Variants in MAP2K5 observed in about 807,000 individuals in gnomAD.
MAP2K5 encodes the protein dual specificity mitogen-activated protein kinase kinase 5.
Under a neutral mutation model 83.1 loss-of-function variants are expected in MAP2K5, and 49 were observed. That is an observed-to-expected ratio of 0.59 (90% CI 0.47 to 0.75). The LOEUF is 0.75. MAP2K5 is among the 30% of genes least tolerant of loss of function. The pLI is 0.00. For missense variants in MAP2K5, 457 were observed against 557.5 expected (o/e 0.82, Z 1.82); for synonymous variants, 202 against 191.8 (o/e 1.05, Z -0.44).
At position 67,782,747 on chromosome 15, in the gene MAP2K5, T is replaced by G. The variant is rs2090349275; in HGVS notation, c.1242+9995T>G. On this transcript the variant is annotated intron_variant, in intron 21 of 21. Coordinates refer to ENST00000178640, the MANE Select transcript of MAP2K5 (RefSeq NM_145160.3). The surrounding 1 kb of genome is among the most constrained non-coding windows in gnomAD (Gnocchi z 4.9). ...GCCTCTGGAATACTCTCGCTCTAAC[T>G]CTGGGGAAGGCAGATCGGCAACCCT... Among the ~76,000 whole-genome samples, 1 of 152,190 alleles carries G rather than the reference T, an allele frequency of 6.6e-6. No individual in the cohort carries two copies.
rs376464843 is a variant in MAP2K5, at chr15:67,550,071, C to T, written c.173C>T (p.Thr58Ile). 1.2e-6 allele frequency: 2 copies of T among 1,613,434 alleles called. No individual in the cohort carries two copies. Among genetic ancestry groups the T allele is most frequent in the Non-Finnish European group, 1.7e-6 (2 of 1,179,566 alleles). Residue 58 changes from threonine (T) to isoleucine (I), a missense_variant, in exon 2 of 22, where the codon ACA (threonine) becomes ATA (isoleucine). This residue lies in a region of MAP2K5 where 234 missense variants were observed against 243.6 expected (regional missense o/e 0.96). Transcript: ENST00000178640. ...IGQVLPEATT[T>I]AFEYEDEDGD... is the part of the protein sequence containing the mutation. Reference sequence around the variant, plus strand: ...CAGGTTCTGCCTGAAGCAACAACTACAGCATTTGAATGTAAGTCTGGCTTG... The same window carrying T: ...CAGGTTCTGCCTGAAGCAACAACTATAGCATTTGAATGTAAGTCTGGCTTG...
chr15:67,613,040 A>G (rs912852488), intron 8 of MAP2K5, among the ~76,000 whole-genome samples: 3 of 152,178 alleles, frequency 2.0e-5, no homozygotes, highest in Non-Finnish European at 2.9e-5. Flanking sequence ...TTGTTCTGAG[A>G]TGGGACAATT....
At chr15:67,545,853 G>A (rs2084378646) in intron 1 of MAP2K5, among the ~76,000 whole-genome samples, 1 of 152,200 alleles carries the variant, frequency 6.6e-6, no homozygotes, top group African/African-American at 2.4e-5. Flanking sequence ...TTAGCACATA[G>A]TAAGCGCTCC....
At chr15:67,628,608 C>T (rs2141083129) in intron 8 of MAP2K5, 2 of 1,268,236 alleles carry the variant, frequency 1.6e-6, no homozygotes, top group East Asian at 2.3e-5. Flanking sequence ...AGAAAAGGGG[C>T]TTTGCCTTTA....
chr15:67,580,722 C>T, intron 3 of MAP2K5, 32 bp from the exon 4 acceptor site: 2 of 1,349,220 alleles, frequency 1.5e-6, no homozygotes, highest in Non-Finnish European at 2.1e-6. Flanking sequence ...TCATACATTA[C>T]TGAGTGATCT....
chr15:67,742,184 C>T (rs1310852268), intron 17 of MAP2K5, among the ~76,000 whole-genome samples: 1 of 152,194 alleles, frequency 6.6e-6, no homozygotes, highest in African/African-American at 2.4e-5. Flanking sequence ...AGCCACTGCG[C>T]CCGGCCAAGA....
At chr15:67,609,170 A>C (rs2085849878) in intron 8 of MAP2K5, among the ~76,000 whole-genome samples, 1 of 152,170 alleles carries the variant, frequency 6.6e-6, no homozygotes. Context: ...TAAATTCAGC[A>C]TTCAGTTACC....
rs1258867985 is a variant in MAP2K5, at chr15:67,736,390, G to T, written c.1074+8445G>T. 2.0e-5 allele frequency among the ~76,000 whole-genome samples: 3 copies of T among 152,196 alleles called. No homozygotes were observed. Among genetic ancestry groups the T allele is most frequent in the Non-Finnish European group, 4.4e-5 (3 of 68,036 alleles). On this transcript the variant is annotated intron_variant, in intron 17 of 21. Coordinates refer to ENST00000178640, the MANE Select transcript of MAP2K5 (RefSeq NM_145160.3). The surrounding 1 kb of genome is among the most constrained non-coding windows in gnomAD (Gnocchi z 4.3). ...TAGACTGCTGGGGAGGAATTGTCAT[G>T]ATCAAATGGACTAATGCCTAAGAGA... is the stretch of plus-strand genomic sequence containing the variant.
At position 67,637,518 on chromosome 15, in the gene MAP2K5, C is replaced by T. The variant is rs2086627687; in HGVS notation, c.585+6591C>T. On this transcript the variant is annotated intron_variant, in intron 9 of 21. Coordinates refer to ENST00000178640, the MANE Select transcript of MAP2K5 (RefSeq NM_145160.3). This position sits in a 1 kb window ranked among gnomAD's most constrained non-coding sequence, Gnocchi z 4.5. Reference sequence around the variant, plus strand: ...GGTGGGAATACAAACTTTTCTTGCCCAGTATTAATCTGGAGATCGTTTCTT... The same window carrying T: ...GGTGGGAATACAAACTTTTCTTGCCTAGTATTAATCTGGAGATCGTTTCTT... Among the ~76,000 whole-genome samples, 1 of 152,092 alleles carries T rather than the reference C, an allele frequency of 6.6e-6. No individual in the cohort carries two copies. Among genetic ancestry groups the T allele is most frequent in the South Asian group, 2.1e-4 (1 of 4,826 alleles).
intron 3 of MAP2K5, among the ~76,000 whole-genome samples, chr15:67,567,401 A>C (rs1596568211): frequency 7.6e-6 from 1 of 131,938 alleles, no homozygotes; most frequent in African/African-American, 3.0e-5. Flanking sequence ...TCTGTCGCCC[A>C]GGCCGGACTG....
chr15:67,772,128 C>T (rs929820479), intron 20 of MAP2K5, among the ~76,000 whole-genome samples: 1 of 152,236 alleles, frequency 6.6e-6, no homozygotes, highest in Admixed American at 6.5e-5. Flanking sequence ...ATCAACTTGC[C>T]TTGTTGCCAA....
chr15:67,716,813 C>CT (rs891102457), intron 16 of MAP2K5, among the ~76,000 whole-genome samples: 3 of 151,986 alleles, frequency 2.0e-5, no homozygotes, highest in African/African-American at 7.3e-5. Context: ...CAACATCACA[C>CT]TTTTTTTTAA....
In MAP2K5 at chr15:67,785,697, T is replaced by C. The variant is rs2090404253; in HGVS notation, c.1242+12945T>C. On this transcript the variant is annotated intron_variant, in intron 21 of 21. Transcript: ENST00000178640. This position sits in a 1 kb window ranked among gnomAD's most constrained non-coding sequence, Gnocchi z 4.4. ...CCATGACCTCGCTCATCCTATGACC[T>C]TGATGGAAGGAGGGGAAAGGTAGAA... Among the ~76,000 whole-genome samples the C allele has an allele frequency of 6.6e-6, 1 of 152,108 alleles. No homozygotes were observed. Among genetic ancestry groups the C allele is most frequent in the South Asian group, 2.1e-4 (1 of 4,822 alleles).
In MAP2K5 at chr15:67,698,967, A is replaced by G. The variant is rs1017968956; in HGVS notation, c.973-4370A>G. On this transcript the variant is annotated intron_variant, in intron 15 of 21. Transcript: ENST00000178640. This position sits in a 1 kb window ranked among gnomAD's most constrained non-coding sequence, Gnocchi z 4.5. Reference sequence around the variant, plus strand: ...ACTATTATTTATTATTACTCTCTTCATTTTACAGATGAGGAAACCAAAGGT... The same window carrying G: ...ACTATTATTTATTATTACTCTCTTCGTTTTACAGATGAGGAAACCAAAGGT... Among the ~76,000 whole-genome samples the G allele has an allele frequency of 2.6e-5, 4 of 152,130 alleles. No homozygotes were observed. The highest frequency in any genetic ancestry group is 4.8e-5 in the African/African-American group (2 of 41,428).
chr15:67,609,558 G>T lies in MAP2K5; in HGVS notation c.545+8809G>T. ...TGTAGACCTATTCTATAGGTCTGTA[G>T]ATTCTGTAGACCTATTCTATAGGTC... On this transcript the variant is annotated intron_variant, in intron 8 of 21. Coordinates refer to ENST00000178640, the MANE Select transcript of MAP2K5 (RefSeq NM_145160.3). 4.0e-5 allele frequency among the ~76,000 whole-genome samples: 2 copies of T among 49,726 alleles called. 1 individual carries two copies. Among genetic ancestry groups the T allele is most frequent in the African/African-American group, 1.1e-4 (2 of 17,596 alleles). The allele number at this position is 49,726 out of a possible 152,430, so 32.6% of individuals were successfully genotyped here.
In MAP2K5 at chr15:67,738,055, T is replaced by C. The variant is rs747921651; in HGVS notation, c.1074+10110T>C. Among the ~76,000 whole-genome samples, 1 of 151,976 alleles carries C rather than the reference T, an allele frequency of 6.6e-6. No individual in the cohort carries two copies. Among genetic ancestry groups the C allele is most frequent in the Admixed American group, 6.5e-5 (1 of 15,278 alleles). On this transcript the variant is annotated intron_variant, in intron 17 of 21. Coordinates refer to ENST00000178640, the MANE Select transcript of MAP2K5 (RefSeq NM_145160.3). The surrounding 1 kb of genome is among the most constrained non-coding windows in gnomAD (Gnocchi z 4.1). ...TTAATAGAGATGAGATTTCGCCATG[T>C]TGGCCAGGCTGGTCTCGAACTCCCG...
chr15:67,607,736 T>C (rs2085811737), intron 8 of MAP2K5, among the ~76,000 whole-genome samples: 1 of 152,224 alleles, frequency 6.6e-6, no homozygotes. Context: ...TTATTTAGCC[T>C]TTTTTTCTTT....
chr15:67,710,241 A>G (rs2088658343), intron 16 of MAP2K5, among the ~76,000 whole-genome samples: 1 of 152,060 alleles, frequency 6.6e-6, no homozygotes, highest in African/African-American at 2.4e-5. Flanking sequence ...CCTGTTTGCC[A>G]CCCCTCTAAC....
chr15:67,674,171 G>T (rs73423889), intron 13 of MAP2K5, among the ~76,000 whole-genome samples: 26,009 of 152,010 alleles, frequency 0.17, 2,866 homozygotes, highest in African/African-American at 0.31. Context: ...AAAAGAACTG[G>T]TTAGTGCTTG....
Sources: allele counts gnomAD v4.1 joint callset (sites outside exome capture counted in the v4.1 genomes callset), GRCh38; gene constraint gnomAD v4.1.1; regional missense constraint gnomAD v4.1.1; non-coding constraint Gnocchi (gnomAD v3.1); transcripts MANE v1.5; gene names NCBI Gene and HGNC (gene_info 2026-07-23, HGNC 2026-07-21).